TLK2: variants seen among roughly 807,000 people sequenced by gnomAD.
TLK2 encodes the protein tousled like kinase 2.
In TLK2, 6 loss-of-function variants were observed where a neutral mutation model predicts 117.3. The observed-to-expected ratio is 0.05, with a 90% CI of 0.03 to 0.10. The LOEUF is 0.10. TLK2 is among the 10% of genes least tolerant of loss of function. The pLI is 1.00. For synonymous variants in TLK2, 257 were observed against 316.7 expected, an observed-to-expected ratio of 0.81 and a Z score of 2.00; for missense variants, 299 against 901.2, an observed-to-expected ratio of 0.33 and a Z score of 8.56.
At position 62,612,871 on chromosome 17, in the gene TLK2, TG is replaced by T. The variant is rs1363765568; in HGVS notation, c.*307del. 3.7e-5 allele frequency: 7 copies of T among 188,894 alleles called. No homozygotes were observed. The highest frequency in any genetic ancestry group is 7.6e-5 in the Non-Finnish European group (7 of 92,536). The allele number at this position is 188,894 out of a possible 1,614,324, so 11.7% of individuals were successfully genotyped here. ...AAAGAAAAACTGGTTCCATGTACTGTGAACTTGAAAACTTGCAGACTCAGGG... is the reference window on the plus strand; with the variant it reads ...AAAGAAAAACTGGTTCCATGTACTGTAACTTGAAAACTTGCAGACTCAGGG... On this transcript the variant is annotated 3_prime_UTR_variant, in exon 22 of 22. Coordinates refer to ENST00000346027, the MANE Select transcript of TLK2 (RefSeq NM_006852.6).
intron 21 of TLK2, among the ~76,000 whole-genome samples, chr17:62,611,284 A>G (rs1221602402): frequency 2.0e-5 from 3 of 152,226 alleles, no homozygotes; most frequent in East Asian, 3.8e-4. Flanking sequence ...TTATCTTCCA[A>G]ATGCTTTAAC....
intron 2 of TLK2, among the ~76,000 whole-genome samples, chr17:62,509,713 A>G (rs186209749): frequency 6.6e-6 from 1 of 152,338 alleles, no homozygotes; most frequent in African/African-American, 2.4e-5. Context: ...TCCTCCTCTC[A>G]TGAATGGGAC....
chr17:62,610,934 G>T (rs1019572087), intron 21 of TLK2, among the ~76,000 whole-genome samples: 1 of 152,192 alleles, frequency 6.6e-6, no homozygotes, highest in Non-Finnish European at 1.5e-5. Flanking sequence ...GAGGCCACAA[G>T]TTTGACACCA....
At chr17:62,511,356 A>T (rs2075130816) in intron 2 of TLK2, among the ~76,000 whole-genome samples, 1 of 152,170 alleles carries the variant, frequency 6.6e-6, no homozygotes. Flanking sequence ...AATATATATA[A>T]ATGGAGTCAC....
At chr17:62,539,061 G>T (rs1412896022) in intron 7 of TLK2, among the ~76,000 whole-genome samples, 1 of 152,162 alleles carries the variant, frequency 6.6e-6, no homozygotes, top group Non-Finnish European at 1.5e-5. Flanking sequence ...AGTTCTTGGT[G>T]TAGGTGATAG....
rs60615117 is a variant in TLK2, at chr17:62,589,064, A to AG, written c.1460+2840dup. On this transcript the variant is annotated intron_variant, in intron 16 of 21. Transcript: ENST00000346027. ...AAGGCAGATTTCAAAAGAAAATAAA[A>AG]GGTGTTTGTTTTGTTGTATTTTGAA... is the stretch of plus-strand genomic sequence containing the variant. 8.2e-3 allele frequency among the ~76,000 whole-genome samples: 1,243 copies of AG among 152,142 alleles called. 64 individuals carry two copies. The East Asian group carries it at 0.13, about 16-fold the overall frequency.
intron 2 of TLK2, among the ~76,000 whole-genome samples, chr17:62,493,190 A>G (rs2073292178): frequency 6.6e-6 from 1 of 152,032 alleles, no homozygotes; most frequent in African/African-American, 2.4e-5. Flanking sequence ...GAATTTGACT[A>G]CTCTAGGTAC....
intron 1 of TLK2, among the ~76,000 whole-genome samples, chr17:62,479,589 C>G (rs1328802280): frequency 2.6e-5 from 4 of 152,138 alleles, no homozygotes; most frequent in Admixed American, 2.6e-4. Flanking sequence ...CCCCCGAGAG[C>G]CGGCCCTCCC....
At chr17:62,507,293 G>A (rs781635723) in intron 2 of TLK2, 3 of 152,010 alleles carry the variant, frequency 2.0e-5, no homozygotes, top group Admixed American at 6.6e-5. Flanking sequence ...AAAAAAAAAG[G>A]TAAACTTTTT....
At chr17:62,605,515 G>A (rs1017440880) in intron 19 of TLK2, among the ~76,000 whole-genome samples, 1 of 152,136 alleles carries the variant, frequency 6.6e-6, no homozygotes, top group Non-Finnish European at 1.5e-5. Flanking sequence ...TGGAGCTACA[G>A]GGGTGTGCTA....
At chr17:62,595,584 G>A (rs1323897938) in intron 16 of TLK2, among the ~76,000 whole-genome samples, 1 of 147,404 alleles carries the variant, frequency 6.8e-6, no homozygotes, top group African/African-American at 2.5e-5. Flanking sequence ...TTCTTCCTCA[G>A]TTCATGGGAA....
intron 12 of TLK2, among the ~76,000 whole-genome samples, chr17:62,576,507 G>A (rs1009758100): frequency 1.3e-5 from 2 of 151,936 alleles, no homozygotes; most frequent in Non-Finnish European, 2.9e-5. Flanking sequence ...TAGACTTCTG[G>A]CTTTGAAGTT....
In TLK2 at chr17:62,553,776, G is replaced by T. The variant is rs745502248; in HGVS notation, c.720+21G>T. 17 of 1,430,848 alleles carry T rather than the reference G, an allele frequency of 1.2e-5. No homozygotes were observed. In the South Asian group the frequency reaches 1.4e-4, roughly 12 times the overall value. The allele number at this position is 1,430,848 out of a possible 1,614,324, so 88.6% of individuals were successfully genotyped here. ...TAAGAGTAAGTATTAAAATGTAAGA[G>T]ATTTTATAGCAAGCACCATTTGTTA... On this transcript the variant is annotated intron_variant, in intron 9 of 21. Transcript: ENST00000346027.
chr17:62,481,462 C>T (rs981473873), intron 2 of TLK2, among the ~76,000 whole-genome samples: 35 of 152,116 alleles, frequency 2.3e-4, no homozygotes, highest in Non-Finnish European at 3.5e-4. Flanking sequence ...GTTCTTGTTA[C>T]AAGGAAACTA....
chr17:62,594,037 C>T (rs2082275366), intron 16 of TLK2, among the ~76,000 whole-genome samples: 1 of 151,766 alleles, frequency 6.6e-6, no homozygotes, highest in Non-Finnish European at 1.5e-5. Flanking sequence ...AAGTGATCCG[C>T]CTGCCTCAGC....
intron 7 of TLK2, among the ~76,000 whole-genome samples, chr17:62,544,641 C>G (rs1420264763): frequency 6.6e-6 from 1 of 152,184 alleles, no homozygotes. Flanking sequence ...TTGGGAAGTG[C>G]AAGCCTTCCA....
chr17:62,561,237 A>T (rs1313989743), intron 10 of TLK2, among the ~76,000 whole-genome samples: 3 of 152,236 alleles, frequency 2.0e-5, no homozygotes, highest in African/African-American at 7.2e-5. Flanking sequence ...ATTGTTGGAC[A>T]TTTGGATTGG....
In TLK2 at chr17:62,586,116, T is replaced by A; in HGVS notation, c.1369-19T>A. ...TTTTTCTTAACATTTACCCAGTATA[T>A]AATTTATTCTCTTTATAGGCATTTG... is the stretch of plus-strand genomic sequence containing the variant. On this transcript the variant is annotated intron_variant, in intron 15 of 21. Transcript: ENST00000346027. The A allele has an allele frequency of 6.3e-7, 1 of 1,582,428 alleles. No individual in the cohort carries two copies. The highest frequency in any genetic ancestry group is 8.6e-7 in the Non-Finnish European group (1 of 1,159,636).
At chr17:62,596,138 C>T (rs963207892) in intron 16 of TLK2, among the ~76,000 whole-genome samples, 11 of 152,076 alleles carry the variant, frequency 7.2e-5, no homozygotes, top group African/African-American at 1.7e-4. Context: ...AGTGCAGTGG[C>T]GCGACCTCAG....
Sources: gnomAD v4.1 joint callset for allele counts (sites outside exome capture counted in the v4.1 genomes callset) on GRCh38, gnomAD v4.1.1 for gene constraint, MANE v1.5 for transcripts, NCBI Gene and HGNC (gene_info 2026-07-23, HGNC 2026-07-21) for gene names.